Variants in NCKAP5 observed in about 807,000 individuals in gnomAD.
NCKAP5 encodes nck-associated protein 5.
A neutral mutation model predicts 167.0 loss-of-function variants in NCKAP5; 92 were observed. The observed-to-expected ratio is 0.55, with a 90% CI of 0.47 to 0.66. NCKAP5 has a LOEUF of 0.66. Among genes scored for constraint, NCKAP5 ranks in the 30% least tolerant of loss-of-function variants. The pLI, the probability that NCKAP5 is intolerant of heterozygous loss-of-function variation, is 0.00. For synonymous variants in NCKAP5, 891 were observed against 877.4 expected (o/e 1.02, Z -0.27); for missense variants, 2,378 against 2,315.0 (o/e 1.03, Z -0.56).
At chr2:133,245,807 T>C (rs1006493129) in intron 4 of NCKAP5, among the ~76,000 whole-genome samples, 1 of 151,504 alleles carries the variant, frequency 6.6e-6, no homozygotes, top group Non-Finnish European at 1.5e-5. Flanking sequence ...TTAGGAGTGA[T>C]TGAAACATTT....
intron 5 of NCKAP5, among the ~76,000 whole-genome samples, chr2:133,202,746 T>G (rs1283852696): frequency 2.0e-5 from 3 of 152,072 alleles, no homozygotes; most frequent in African/African-American, 7.3e-5. Context: ...AACAAACACT[T>G]CTCAAAAGAA....
intron 3 of NCKAP5, among the ~76,000 whole-genome samples, chr2:133,386,947 C>G (rs1044522519): frequency 2.0e-5 from 3 of 152,094 alleles, no homozygotes; most frequent in African/African-American, 7.2e-5. Context: ...TGTCTCTGCA[C>G]ATGAGATGGG....
rs545618142 is a variant in NCKAP5 at position 133,093,422 on chromosome 2, A to G, written c.341+36556T>C. On this transcript the variant is annotated intron_variant, in intron 6 of 19. Coordinates refer to ENST00000409261, the MANE Select transcript of NCKAP5 (RefSeq NM_207363.3). ...ACTTATGTTGCCTGAATTTGTTCAC[A>G]TTACTATTCACGAAGCTTGACATCC... Among the ~76,000 whole-genome samples, 37 of 152,318 alleles carry G rather than the reference A, an allele frequency of 2.4e-4. No individual in the cohort carries two copies. In the Middle Eastern group the frequency reaches 0.017, roughly 70 times the overall value.
chr2:133,500,732 T>C (rs192987613), intron 3 of NCKAP5, among the ~76,000 whole-genome samples: 100 of 152,342 alleles, frequency 6.6e-4, no homozygotes, highest in African/African-American at 2.4e-3. Context: ...GTATAAACAA[T>C]CTATATTGAA....
chr2:133,522,635 T>A (rs899051294), intron 2 of NCKAP5, among the ~76,000 whole-genome samples: 4 of 152,192 alleles, frequency 2.6e-5, no homozygotes, highest in African/African-American at 9.7e-5. Flanking sequence ...TTCACAGCTG[T>A]CTTTGTGAAC....
At chr2:132,892,963 T>C (rs1401686905) in intron 8 of NCKAP5, among the ~76,000 whole-genome samples, 2 of 101,242 alleles carry the variant, frequency 2.0e-5, no homozygotes, top group African/African-American at 7.6e-5. Flanking sequence ...TCTCTAGAAA[T>C]AGGAATTCTT....
At chr2:132,927,204 C>G (rs149495202) in intron 8 of NCKAP5, among the ~76,000 whole-genome samples, 5 of 152,220 alleles carry the variant, frequency 3.3e-5, no homozygotes, top group African/African-American at 9.6e-5. Context: ...TCTGGGTTCT[C>G]TATTCTGTTT....
At chr2:133,295,713 C>T (rs1679912904) in intron 4 of NCKAP5, among the ~76,000 whole-genome samples, 1 of 152,116 alleles carries the variant, frequency 6.6e-6, no homozygotes, top group Non-Finnish European at 1.5e-5. Context: ...CAGGGATCAT[C>T]CTAAACATCC....
At chr2:133,017,728 C>T (rs560233492) in intron 6 of NCKAP5, among the ~76,000 whole-genome samples, 5 of 150,420 alleles carry the variant, frequency 3.3e-5, no homozygotes, top group Admixed American at 2.0e-4. Context: ...TCTTCCCCGC[C>T]CCCCCACTGT....
At chr2:133,511,924 A>G (rs1558741382) in intron 3 of NCKAP5, among the ~76,000 whole-genome samples, 1 of 152,142 alleles carries the variant, frequency 6.6e-6, no homozygotes, top group South Asian at 2.1e-4. Context: ...GTACTCTTCC[A>G]TCAGTAGACA....
chr2:133,256,892 T>C (rs1481224488), intron 4 of NCKAP5, among the ~76,000 whole-genome samples: 1 of 152,174 alleles, frequency 6.6e-6, no homozygotes, highest in African/African-American at 2.4e-5. Flanking sequence ...CATTTAATCT[T>C]GGCTAGTCAA....
intron 4 of NCKAP5, among the ~76,000 whole-genome samples, chr2:133,221,831 A>G (rs1336460261): frequency 6.6e-6 from 1 of 152,230 alleles, no homozygotes; most frequent in Non-Finnish European, 1.5e-5. Flanking sequence ...AAGAATGTCT[A>G]TCACATATTC....
At chr2:133,167,397 G>A (rs1290242772) in intron 5 of NCKAP5, among the ~76,000 whole-genome samples, 2 of 152,012 alleles carry the variant, frequency 1.3e-5, no homozygotes, top group African/African-American at 4.8e-5. Flanking sequence ...ACTACTTCAC[G>A]GTGTATGATG....
chr2:133,530,087 T>C (rs1407484373), intron 2 of NCKAP5, among the ~76,000 whole-genome samples: 1 of 152,194 alleles, frequency 6.6e-6, no homozygotes, highest in Admixed American at 6.5e-5. Context: ...TATGGTACCA[T>C]CTGAAGATAA....
intron 3 of NCKAP5, among the ~76,000 whole-genome samples, chr2:133,353,143 G>A (rs1684479950): frequency 6.6e-6 from 1 of 152,190 alleles, no homozygotes; most frequent in African/African-American, 2.4e-5. Context: ...CAAGGGAAGT[G>A]AACTGCGAAG....
the NCKAP5 span, among the ~76,000 whole-genome samples, chr2:133,602,836 A>G: frequency 6.6e-6 from 1 of 152,186 alleles, no homozygotes; most frequent in Non-Finnish European, 1.5e-5. Context: ...TGGTGACTCC[A>G]GTGGCAGAGT....
intron 6 of NCKAP5, among the ~76,000 whole-genome samples, chr2:133,013,956 C>T (rs1186928135): frequency 2.0e-5 from 3 of 152,186 alleles, no homozygotes; most frequent in Admixed American, 2.0e-4. Flanking sequence ...CTGCCAATTC[C>T]TTCCAATCAA....
intron 19 of NCKAP5, among the ~76,000 whole-genome samples, chr2:132,673,696 G>C (rs1231348426): frequency 6.6e-6 from 1 of 151,820 alleles, no homozygotes; most frequent in Non-Finnish European, 1.5e-5. Context: ...CAGAAGTTAT[G>C]GTAATATGTT....
At chr2:133,158,117 T>C (rs1273455917) in intron 5 of NCKAP5, among the ~76,000 whole-genome samples, 14 of 152,252 alleles carry the variant, frequency 9.2e-5, no homozygotes, top group Non-Finnish European at 1.8e-4. Flanking sequence ...CGGACACTTG[T>C]CCTTTAGGAA....
Sources: gnomAD v4.1 joint callset for allele counts (sites outside exome capture counted in the v4.1 genomes callset) on GRCh38, gnomAD v4.1.1 for gene constraint, MANE v1.5 for transcripts, NCBI Gene and HGNC (gene_info 2026-07-23, HGNC 2026-07-21) for gene names.